The following ZNF143 variants were observed in gnomAD, a reference collection of about 807,000 sequenced individuals.
ZNF143 encodes the protein SPH-binding factor.
Under a neutral mutation model 74.1 loss-of-function variants are expected in ZNF143, and 49 were observed. The observed-to-expected ratio is 0.66, with a 90% CI of 0.53 to 0.84. The LOEUF (loss-of-function observed/expected upper bound fraction) is 0.84. Among genes scored for constraint, ZNF143 ranks in the 40% least tolerant of loss-of-function variants. The probability of loss-of-function intolerance (pLI) is 0.00; values close to 1 mark genes in which losing one functional copy is unlikely to be tolerated. For synonymous variants in ZNF143, 304 were observed against 282.8 expected (o/e 1.07, Z -0.75); for missense variants, 637 against 793.4 (o/e 0.80, Z 2.37).
chr11:9,527,127 C>A (rs2134294868), intron 15 of ZNF143, among the ~76,000 whole-genome samples: 1 of 152,142 alleles, frequency 6.6e-6, no homozygotes, highest in East Asian at 1.9e-4. Context: ...GCCACCGCGC[C>A]CAGCCAATTT....
chr11:9,465,178 A>AT (rs938987060), intron 1 of ZNF143, among the ~76,000 whole-genome samples: 32 of 151,862 alleles, frequency 2.1e-4, no homozygotes, highest in African/African-American at 6.3e-4. Context: ...GGGACTTACT[A>AT]TTTTTTTTAT....
intron 13 of ZNF143, among the ~76,000 whole-genome samples, chr11:9,515,373 G>C (rs1218653174): frequency 1.3e-5 from 2 of 152,126 alleles, no homozygotes; most frequent in Admixed American, 1.3e-4. Context: ...TGTATTGCCG[G>C]GTGTGGTGGC....
intron 14 of ZNF143, among the ~76,000 whole-genome samples, chr11:9,518,272 C>T (rs1235246757): frequency 6.6e-6 from 1 of 152,156 alleles, no homozygotes; most frequent in Non-Finnish European, 1.5e-5. Flanking sequence ...ATGTTGATTT[C>T]TCCTAAGAAA....
chr11:9,462,579 T>C lies in ZNF143; in HGVS notation c.-8+1503T>C, dbSNP rs1855932493. Among the ~76,000 whole-genome samples the C allele has an allele frequency of 2.0e-5, 3 of 151,318 alleles. No homozygotes were observed. In the South Asian group the frequency reaches 6.3e-4, roughly 32 times the overall value. On this transcript the variant is annotated intron_variant, in intron 1 of 15. Transcript: ENST00000396602. ...TCTCGAAAAAAAAAAAAGTGATAAT[T>C]AGTTGAATTTTAGCCTGGGTGTGGT...
At chr11:9,499,558 A>G (rs1190472189) in intron 10 of ZNF143, among the ~76,000 whole-genome samples, 2 of 152,158 alleles carry the variant, frequency 1.3e-5, no homozygotes, top group Non-Finnish European at 2.9e-5. Flanking sequence ...ACAACAAACT[A>G]GCCAGTCGTG....
At position 9,528,403 on chromosome 11, in the gene ZNF143, T is replaced by C. The variant is rs1849198653; in HGVS notation, c.*790T>C. On this transcript the variant is annotated 3_prime_UTR_variant, in exon 16 of 16. Coordinates refer to ENST00000396602, the MANE Select transcript of ZNF143 (RefSeq NM_003442.6). ...GTACTGTAATTGGAAATGGCTTTAC[T>C]CTGAAAATTAGGTTAGTGGGTTGGT... The C allele has an allele frequency of 6.6e-6, 1 of 152,228 alleles. No individual in the cohort carries two copies. Among genetic ancestry groups the C allele is most frequent in the Non-Finnish European group, 1.5e-5 (1 of 68,038 alleles). 9.4% of individuals were successfully genotyped at this position (152,228 alleles called of 1,614,324 possible). A position where few individuals can be genotyped will look rare whatever the true frequency, so the allele number is the denominator to read the frequency against.
chr11:9,465,462 G>T (rs1228934436), intron 1 of ZNF143, among the ~76,000 whole-genome samples: 1 of 151,544 alleles, frequency 6.6e-6, no homozygotes, highest in East Asian at 2.0e-4. Context: ...GGGATTACAG[G>T]TGCAAGCCAC....
chr11:9,467,542 A>T (rs1856311923), intron 1 of ZNF143, among the ~76,000 whole-genome samples: 1 of 151,974 alleles, frequency 6.6e-6, no homozygotes, highest in African/African-American at 2.4e-5. Flanking sequence ...AACAAGAAAA[A>T]TTTTAAAGGG....
intron 14 of ZNF143, among the ~76,000 whole-genome samples, chr11:9,519,733 A>C (rs1848845194): frequency 6.6e-6 from 1 of 152,166 alleles, no homozygotes; most frequent in Admixed American, 6.6e-5. Flanking sequence ...TCTTGGATAA[A>C]TACCTATTTG....
At chr11:9,521,281 C>T (rs1214195093) in intron 14 of ZNF143, among the ~76,000 whole-genome samples, 1 of 152,160 alleles carries the variant, frequency 6.6e-6, no homozygotes, top group African/African-American at 2.4e-5. Context: ...TTTTACTGCC[C>T]TTAAAATCCT....
intron 14 of ZNF143, among the ~76,000 whole-genome samples, chr11:9,517,649 C>T (rs1320831239): frequency 6.6e-6 from 1 of 151,994 alleles, no homozygotes; most frequent in Non-Finnish European, 1.5e-5. Flanking sequence ...TTTTCATTTC[C>T]CTTAAAATAA....
At chr11:9,474,124 C>A (rs1250335756) in intron 4 of ZNF143, 100 bp downstream of exon 4, 1 of 908,896 alleles carries the variant, frequency 1.1e-6, no homozygotes, top group South Asian at 1.3e-5. Flanking sequence ...TGGTCTTGTT[C>A]TCAAGTCCTC....
At chr11:9,491,830 C>T (rs1057255489) in intron 7 of ZNF143, among the ~76,000 whole-genome samples, 3 of 152,148 alleles carry the variant, frequency 2.0e-5, no homozygotes, top group African/African-American at 7.2e-5. Context: ...GGGGTTTCAC[C>T]ATTTGCCCAG....
intron 9 of ZNF143, among the ~76,000 whole-genome samples, chr11:9,497,160 A>G (rs1170808472): frequency 6.6e-6 from 1 of 152,208 alleles, no homozygotes; most frequent in African/African-American, 2.4e-5. Flanking sequence ...AGAAACACAC[A>G]ACCTCTTTTA....
chr11:9,462,527 T>C (rs1855927464), intron 1 of ZNF143, among the ~76,000 whole-genome samples: 1 of 151,406 alleles, frequency 6.6e-6, no homozygotes, highest in African/African-American at 2.4e-5. Flanking sequence ...TGTGCCACTG[T>C]ACTCCCGTCT....
chr11:9,511,005 A>ACC (rs1848521262), intron 12 of ZNF143, among the ~76,000 whole-genome samples: 1 of 151,860 alleles, frequency 6.6e-6, no homozygotes, highest in Non-Finnish European at 1.5e-5. Context: ...TGTGCTAAAG[A>ACC]CCAAGTTTAG....
At chr11:9,527,470 G>A in intron 15 of ZNF143, 60 bp from the exon 16 acceptor site, 3 of 1,507,860 alleles carry the variant, frequency 2.0e-6, no homozygotes, top group Non-Finnish European at 2.8e-6. Context: ...CATTTCTTTG[G>A]CATTTTCTTG....
intron 14 of ZNF143, among the ~76,000 whole-genome samples, chr11:9,519,401 C>G (rs989145871): frequency 6.6e-6 from 1 of 152,120 alleles, no homozygotes; most frequent in Admixed American, 6.5e-5. Flanking sequence ...CCGCCTCGGC[C>G]TCCCAAAGTG....
chr11:9,477,910 C>T (rs147813313), intron 5 of ZNF143, among the ~76,000 whole-genome samples: 2,843 of 152,306 alleles, frequency 0.019, 82 homozygotes, highest in African/African-American at 0.064. Context: ...ACTGCAACCT[C>T]TGCCTCCCAG....
Sources: gnomAD v4.1 joint callset for allele counts (sites outside exome capture counted in the v4.1 genomes callset) on GRCh38, gnomAD v4.1.1 for gene constraint, MANE v1.5 for transcripts, NCBI Gene and HGNC (gene_info 2026-07-23, HGNC 2026-07-21) for gene names.